The following ARHGAP22 variants were observed in gnomAD, a reference collection of about 807,000 sequenced individuals.
The protein encoded by ARHGAP22 is Rho GTPase activating protein 22.
ARHGAP22 carries 48 observed loss-of-function variants against 59.1 expected under a neutral mutation model. That is an observed-to-expected ratio of 0.81 (90% CI 0.64 to 1.03). The LOEUF is 1.03. ARHGAP22 is among the 50% of genes least tolerant of loss of function. The probability of loss-of-function intolerance (pLI) is 0.00; values close to 1 mark genes in which losing one functional copy is unlikely to be tolerated. For missense variants in ARHGAP22, 1,015 were observed against 958.7 expected, an observed-to-expected ratio of 1.06 and a Z score of -0.78; for synonymous variants, 445 against 416.4, an observed-to-expected ratio of 1.07 and a Z score of -0.84.
At chr10:48,540,891 T>G (rs929443965) in intron 3 of ARHGAP22, among the ~76,000 whole-genome samples, 1 of 151,974 alleles carries the variant, frequency 6.6e-6, no homozygotes, top group East Asian at 2.0e-4. Flanking sequence ...AACCCCGGAC[T>G]AGGAGTTCTT....
rs144274218 is a variant in ARHGAP22 at position 48,591,161 on chromosome 10, G to A, written c.35-8009C>T. On this transcript the variant is annotated intron_variant, in intron 1 of 9. Coordinates refer to ENST00000249601, the MANE Select transcript of ARHGAP22 (RefSeq NM_021226.4). ...CTCAGAGCCTCCAGAGAGGAGGAGC[G>A]CCAGGCTAAGAGGGAGGGTGACTGC... is the stretch of plus-strand genomic sequence containing the variant. 5.1e-3 allele frequency among the ~76,000 whole-genome samples: 781 copies of A among 152,278 alleles called. 5 individuals are homozygous for A. Among genetic ancestry groups the A allele is most frequent in the African/African-American group, 0.018 (730 of 41,552 alleles).
At chr10:48,609,260 T>A (rs564286064), upstream of ARHGAP22, among the ~76,000 whole-genome samples, 6 of 152,332 alleles carry the variant, frequency 3.9e-5, no homozygotes, top group East Asian at 1.2e-3. Flanking sequence ...TCTCCCCTTC[T>A]TCCTGGGAAC....
chr10:48,639,786 C>T (rs2061967137), intron 1 of ARHGAP22, among the ~76,000 whole-genome samples: 2 of 151,944 alleles, frequency 1.3e-5, no homozygotes. Flanking sequence ...ATCTAAAATG[C>T]CCACTTTCTA....
At chr10:48,578,919 G>A (rs918540433) in intron 2 of ARHGAP22, among the ~76,000 whole-genome samples, 11 of 148,462 alleles carry the variant, frequency 7.4e-5, no homozygotes, top group Non-Finnish European at 1.3e-4. Flanking sequence ...TTTTTTTTCC[G>A]TTCTTTTGCT....
chr10:48,446,548 T>G lies in ARHGAP22; in HGVS notation c.1940A>C (p.Lys647Thr), dbSNP rs1485437715. The G allele has an allele frequency of 6.2e-7, 1 of 1,614,254 alleles. No individual in the cohort carries two copies. The highest frequency in any genetic ancestry group is 1.7e-5 in the Admixed American group (1 of 60,030). The change falls in exon 10 of 10, where the codon AAA (lysine) becomes ACA (threonine). Residue 647 changes from lysine (K) to threonine (T), a missense_variant. Coordinates refer to ENST00000249601, the MANE Select transcript of ARHGAP22 (RefSeq NM_021226.4). ...RLEEELDQEK[K>T]KYIMLEIKLR... Reference sequence around the variant, plus strand: ...CTTTATTTCCAGCATGATGTATTTTTTCTTTTCCTGGTCCAGTTCTTCTTC... The same window carrying G: ...CTTTATTTCCAGCATGATGTATTTTGTCTTTTCCTGGTCCAGTTCTTCTTC...
intron 1 of ARHGAP22, among the ~76,000 whole-genome samples, chr10:48,629,847 C>T (rs1287328302): frequency 6.6e-6 from 1 of 152,164 alleles, no homozygotes; most frequent in Non-Finnish European, 1.5e-5. Flanking sequence ...AACAGCTCTC[C>T]ATTTATTTCA....
chr10:48,515,460 A>T (rs1178278463), intron 3 of ARHGAP22, among the ~76,000 whole-genome samples: 1 of 152,224 alleles, frequency 6.6e-6, no homozygotes, highest in Non-Finnish European at 1.5e-5. Context: ...AACAGAACGC[A>T]GGAGATTTTA....
chr10:48,500,069 G>A (rs767933584), intron 3 of ARHGAP22, among the ~76,000 whole-genome samples: 2 of 152,200 alleles, frequency 1.3e-5, no homozygotes, highest in African/African-American at 4.8e-5. Flanking sequence ...TAGGCATGGT[G>A]GCTCACACCT....
At chr10:48,554,639 C>T (rs1380893278) in intron 3 of ARHGAP22, among the ~76,000 whole-genome samples, 1 of 152,092 alleles carries the variant, frequency 6.6e-6, no homozygotes, top group Non-Finnish European at 1.5e-5. Context: ...CGGTTACTCC[C>T]CAGAAAGCAG....
chr10:48,636,876 T>C (rs957747404), intron 1 of ARHGAP22, among the ~76,000 whole-genome samples: 1 of 152,134 alleles, frequency 6.6e-6, no homozygotes, highest in South Asian at 2.1e-4. Context: ...GAGCCACTCA[T>C]AGAATCAGGA....
rs532939911 is a variant in ARHGAP22, at chr10:48,553,926, C to G, written c.322+1537G>C. On this transcript the variant is annotated intron_variant, in intron 3 of 9. Transcript: ENST00000249601. ...TGAGTCACTACCCCTGTCCCCAGAG[C>G]CAGGGGCCACACCCCTCGCCTAGAT... Among the ~76,000 whole-genome samples the G allele has an allele frequency of 2.0e-3, 304 of 152,302 alleles. 2 individuals carry two copies. Among genetic ancestry groups the G allele is most frequent in the African/African-American group, 7.1e-3 (296 of 41,570 alleles).
intron 3 of ARHGAP22, among the ~76,000 whole-genome samples, chr10:48,488,056 A>G (rs2050024981): frequency 6.6e-6 from 1 of 152,196 alleles, no homozygotes; most frequent in South Asian, 2.1e-4. Context: ...TGTCTCAATA[A>G]ATAAATAAAT....
intron 3 of ARHGAP22, among the ~76,000 whole-genome samples, chr10:48,496,040 T>C (rs2134291085): frequency 6.6e-6 from 1 of 152,284 alleles, no homozygotes; most frequent in African/African-American, 2.4e-5. Flanking sequence ...AATTCTGTGA[T>C]GAGCCTGTGA....
In ARHGAP22 at chr10:48,451,123, G is replaced by C. The variant is rs1217788555; in HGVS notation, c.1006C>G (p.His336Asp). 1.2e-4 allele frequency: 185 copies of C among 1,552,450 alleles called. No homozygotes were observed. Among genetic ancestry groups the C allele is most frequent in the Non-Finnish European group, 1.6e-4 (184 of 1,147,942 alleles). The change falls in exon 9 of 10, where the codon CAC becomes GAC. Residue 336 changes from histidine (H) to aspartate (D), a missense_variant. Transcript: ENST00000249601. ...TIMEGTSLVQ[H>D]LMTVLIRKHS... Reference sequence around the variant, plus strand: ...TTGCGGATGAGGACGGTCATCAGGTGCTGGACGAGGGAAGTGCCTGCCGGG... The same window carrying C: ...TTGCGGATGAGGACGGTCATCAGGTCCTGGACGAGGGAAGTGCCTGCCGGG...
rs1251527076 is a variant in ARHGAP22 at position 48,450,971 on chromosome 10, G to A, written c.1158C>T (p.Pro386=). 5 of 1,565,380 alleles carry A rather than the reference G, an allele frequency of 3.2e-6. No homozygotes were observed. The highest frequency in any genetic ancestry group is 2.7e-5 in the African/African-American group (2 of 73,656). Residue 386 remains proline (P), a synonymous_variant, in exon 9 of 10, where the codon CCC becomes CCT. Transcript: ENST00000249601. ...AAGAGGTCCTGTGCGCGGGCAGGCC[G>A]GGGCCGCCGGGCTCTCCTTGGCTGT... is the stretch of plus-strand genomic sequence containing the variant. ...TRDSQGEPGG[P]GLPAHRTSSL...
At chr10:48,600,045 G>A (rs539240444) in intron 1 of ARHGAP22, among the ~76,000 whole-genome samples, 2 of 152,198 alleles carry the variant, frequency 1.3e-5, no homozygotes, top group South Asian at 4.1e-4. Context: ...TCTTATTAGT[G>A]GTGCAATTTT....
rs559851837 is a variant in ARHGAP22, at chr10:48,493,769, C to T, written c.323-14005G>A. 230 of 778,800 alleles carry T rather than the reference C, an allele frequency of 3.0e-4. No individual in the cohort carries two copies. In the African/African-American group the frequency reaches 3.3e-3, roughly 11 times the overall value. The allele number at this position is 778,800 out of a possible 1,614,324, so 48.2% of individuals were successfully genotyped here. A position where few individuals can be genotyped will look rare whatever the true frequency, so the allele number is the denominator to read the frequency against. ...GAGGTCGGCGTGGTTGTTCTGCATC[C>T]GCATCTGTGCCTGCCACCCTGTGCA... is the stretch of plus-strand genomic sequence containing the variant. On this transcript the variant is annotated intron_variant, in intron 3 of 9. Coordinates refer to ENST00000249601, the MANE Select transcript of ARHGAP22 (RefSeq NM_021226.4).
chr10:48,493,603 T>A, intron 3 of ARHGAP22: 3 of 1,474,442 alleles, frequency 2.0e-6, no homozygotes. Flanking sequence ...CTGCGGCCAC[T>A]CGGCTGCCTG....
intron 2 of ARHGAP22, among the ~76,000 whole-genome samples, chr10:48,573,239 T>G (rs1395720890): frequency 6.6e-6 from 1 of 152,160 alleles, no homozygotes; most frequent in African/African-American, 2.4e-5. Flanking sequence ...AGGCCACAAC[T>G]AGGGTATTTC....
Sources: gnomAD v4.1 joint callset for allele counts (sites outside exome capture counted in the v4.1 genomes callset) on GRCh38, gnomAD v4.1.1 for gene constraint, MANE v1.5 for transcripts, NCBI Gene and HGNC (gene_info 2026-07-23, HGNC 2026-07-21) for gene names.